The following RIMS2 variants were observed in gnomAD, a reference collection of about 807,000 sequenced individuals.
The protein encoded by RIMS2 is regulating synaptic membrane exocytosis protein 2.
RIMS2 carries 59 observed loss-of-function variants against 174.4 expected under a neutral mutation model. The observed-to-expected ratio is 0.34, with a 90% CI of 0.27 to 0.42. The LOEUF (loss-of-function observed/expected upper bound fraction) is 0.42. Among genes scored for constraint, RIMS2 ranks in the 10% least tolerant of loss-of-function variants. The probability of loss-of-function intolerance (pLI) is 1.00; values close to 1 mark genes in which losing one functional copy is unlikely to be tolerated. For synonymous variants in RIMS2, 606 were observed against 572.5 expected (o/e 1.06, Z -0.84); for missense variants, 1,620 against 1,666.3 (o/e 0.97, Z 0.48).
intron 15 of RIMS2, among the ~76,000 whole-genome samples, chr8:103,974,515 A>G (rs2093238376): frequency 1.3e-5 from 2 of 152,070 alleles, no homozygotes; most frequent in South Asian, 2.1e-4. Context: ...TTTCCTGCTC[A>G]TTTCCCCACA....
intron 1 of RIMS2, among the ~76,000 whole-genome samples, chr8:103,608,153 A>G (rs1043128920): frequency 6.8e-6 from 1 of 146,496 alleles, no homozygotes; most frequent in African/African-American, 2.6e-5. Flanking sequence ...GTCTTTGATG[A>G]TGGTGATGTA....
At chr8:104,157,083 A>G (rs1212738786) in intron 19 of RIMS2, among the ~76,000 whole-genome samples, 1 of 152,184 alleles carries the variant, frequency 6.6e-6, no homozygotes, top group Non-Finnish European at 1.5e-5. Flanking sequence ...AAATTATAAC[A>G]GTGTTTTAGC....
rs913155315 is a variant in RIMS2, at chr8:103,669,033, G to A, written c.177-28053G>A. 6.6e-5 allele frequency among the ~76,000 whole-genome samples: 10 copies of A among 152,104 alleles called. No homozygotes were observed. In the East Asian group the frequency reaches 7.7e-4, roughly 12 times the overall value. On this transcript the variant is annotated intron_variant, in intron 1 of 23. Transcript: ENST00000504942. ...TTTGTTAGTCTGTTTTCACGCTGCC[G>A]ATGAAGATATACCCAAGACTGGGTA...
intron 19 of RIMS2, among the ~76,000 whole-genome samples, chr8:104,224,437 A>T (rs1354464227): frequency 6.6e-6 from 1 of 152,206 alleles, no homozygotes; most frequent in Non-Finnish European, 1.5e-5. Context: ...ATAACATAAC[A>T]TGTATTTTCT....
At chr8:103,740,274 A>G (rs1185015758) in intron 2 of RIMS2, among the ~76,000 whole-genome samples, 1 of 152,168 alleles carries the variant, frequency 6.6e-6, no homozygotes, top group Non-Finnish European at 1.5e-5. Flanking sequence ...CACAGAAACA[A>G]TTTTATAAGT....
At chr8:103,981,354 T>C (rs942997863) in intron 16 of RIMS2, among the ~76,000 whole-genome samples, 1 of 152,166 alleles carries the variant, frequency 6.6e-6, no homozygotes, top group African/African-American at 2.4e-5. Flanking sequence ...TCTATGAGTC[T>C]GCAAAAAACA....
chr8:103,531,666 T>C (rs557760867), intron 1 of RIMS2, among the ~76,000 whole-genome samples: 1 of 152,304 alleles, frequency 6.6e-6, no homozygotes, highest in African/African-American at 2.4e-5. Flanking sequence ...TCATAAAAAA[T>C]ATGGAGTTCA....
chr8:104,112,338 G>A (rs1403243481), intron 19 of RIMS2, among the ~76,000 whole-genome samples: 1 of 151,974 alleles, frequency 6.6e-6, no homozygotes, highest in Non-Finnish European at 1.5e-5. Context: ...TTTGTAGGGT[G>A]CTTTTCTGGC....
At chr8:104,174,305 T>C (rs1175544820) in intron 19 of RIMS2, among the ~76,000 whole-genome samples, 1 of 152,114 alleles carries the variant, frequency 6.6e-6, no homozygotes, top group Admixed American at 6.6e-5. Flanking sequence ...AGAAGTGAAA[T>C]TTAAATCAGG....
rs186087060 is a variant in RIMS2 at position 103,623,278 on chromosome 8, C to T, written c.177-73808C>T. Among the ~76,000 whole-genome samples the T allele has an allele frequency of 3.3e-5, 5 of 152,152 alleles. No individual in the cohort carries two copies. The East Asian group carries it at 9.6e-4, about 29-fold the overall frequency. On this transcript the variant is annotated intron_variant, in intron 1 of 23. Coordinates refer to ENST00000504942, the Ensembl canonical transcript of RIMS2. The stretch of plus-strand genomic sequence containing the variant: ...TAAAAATGGGGAGTACAATAGCTAC[C>T]TCATAGACTGGTAGTTCAGATTAAG...
intron 12 of RIMS2, among the ~76,000 whole-genome samples, chr8:103,933,942 C>A (rs2154532989): frequency 6.6e-6 from 1 of 151,568 alleles, no homozygotes; most frequent in South Asian, 2.1e-4. Flanking sequence ...TTTAGAGGGG[C>A]CAGGGAGACT....
intron 19 of RIMS2, among the ~76,000 whole-genome samples, chr8:104,095,742 T>G (rs962005916): frequency 3.3e-5 from 5 of 152,114 alleles, no homozygotes; most frequent in African/African-American, 1.2e-4. Flanking sequence ...GTACAAAGCC[T>G]GCTCAATAAA....
chr8:104,085,091 T>G (rs1266212184), intron 19 of RIMS2, among the ~76,000 whole-genome samples: 2 of 152,228 alleles, frequency 1.3e-5, no homozygotes, highest in Non-Finnish European at 2.9e-5. Flanking sequence ...CAGAAAAGTG[T>G]ATCAGTCATG....
chr8:103,964,509 G>T (rs939069962), intron 15 of RIMS2, among the ~76,000 whole-genome samples: 1 of 151,810 alleles, frequency 6.6e-6, no homozygotes, highest in Non-Finnish European at 1.5e-5. Context: ...TTTTTAATTG[G>T]GTTGTTTGTT....
intron 19 of RIMS2, among the ~76,000 whole-genome samples, chr8:104,157,266 C>T (rs569325209): frequency 3.3e-5 from 5 of 152,208 alleles, no homozygotes; most frequent in African/African-American, 9.6e-5. Flanking sequence ...CATCTAGGCT[C>T]GGCATGTAGC....
chr8:104,115,086 TCA>T (rs1393174367), intron 19 of RIMS2, among the ~76,000 whole-genome samples: 1 of 152,090 alleles, frequency 6.6e-6, no homozygotes, highest in Non-Finnish European at 1.5e-5. Context: ...TAAATGTATT[TCA>T]GTTTGCATTC....
At chr8:103,861,599 CTG>C (rs1213021595) in intron 3 of RIMS2, among the ~76,000 whole-genome samples, 11 of 152,140 alleles carry the variant, frequency 7.2e-5, no homozygotes, top group African/African-American at 2.7e-4. Context: ...CTCACCAACA[CTG>C]TATAAATGTA....
Position 103,753,637 on chromosome 8 carries a change from T to C in RIMS2, c.388-12590T>C, listed in dbSNP as rs185200459. Among the ~76,000 whole-genome samples the C allele has an allele frequency of 5.8e-3, 886 of 152,332 alleles. 8 individuals carry two copies. The highest frequency in any genetic ancestry group is 0.02 in the African/African-American group (840 of 41,572). ...TATTGGTCTATTCGGAGATTCACCT[T>C]CTTCCTGGTTTAGTCTTGGGAGGGT... On this transcript the variant is annotated intron_variant, in intron 2 of 23. Transcript: ENST00000504942.
At chr8:103,725,906 A>G (rs1296029137) in intron 2 of RIMS2, among the ~76,000 whole-genome samples, 1 of 152,102 alleles carries the variant, frequency 6.6e-6, no homozygotes, top group Non-Finnish European at 1.5e-5. Context: ...CATTTTTCTA[A>G]TGATCAGTGA....
Sources: gnomAD v4.1 joint callset for allele counts (sites outside exome capture counted in the v4.1 genomes callset) on GRCh38, gnomAD v4.1.1 for gene constraint, MANE v1.5 for transcripts, NCBI Gene and HGNC (gene_info 2026-07-23, HGNC 2026-07-21) for gene names.